ENOX1: variants seen among roughly 807,000 people sequenced by gnomAD.
ENOX1 encodes ecto-NOX disulfide-thiol exchanger 1.
ENOX1 carries 42 observed loss-of-function variants against 82.5 expected under a neutral mutation model. The observed-to-expected ratio is 0.51, with a 90% confidence interval of 0.40 to 0.66. The LOEUF is 0.66. Ranked by LOEUF, ENOX1 falls within the 30% of genes least tolerant of loss-of-function variation. The pLI, the probability that ENOX1 is intolerant of heterozygous loss-of-function variation, is 0.00. For synonymous variants in ENOX1, 271 were observed against 282.2 expected, an observed-to-expected ratio of 0.96 and a Z score of 0.40; for missense variants, 608 against 811.6, an observed-to-expected ratio of 0.75 and a Z score of 3.05.
rs58874702 is a variant in ENOX1 at position 43,673,175 on chromosome 13, G to GTATATATA, written c.-284-5639_-284-5632dup. Among the ~76,000 whole-genome samples, 460 of 148,928 alleles carry GTATATATA rather than the reference G, an allele frequency of 3.1e-3. 7 individuals carry two copies. In the East Asian group the frequency reaches 0.046, roughly 15 times the overall value. ...TTCCATAAAATTTGTTTGCATGTGTGTATATATATATATATATACATGTTC... is the reference window on the plus strand; with the variant it reads ...TTCCATAAAATTTGTTTGCATGTGTGTATATATATATATATATATATATATACATGTTC... On this transcript the variant is annotated intron_variant, in intron 1 of 16. Transcript: ENST00000690772.
chr13:43,749,140 G>A (rs1452274073), intron 1 of ENOX1, among the ~76,000 whole-genome samples: 1 of 152,146 alleles, frequency 6.6e-6, no homozygotes, highest in African/African-American at 2.4e-5. Context: ...ATAGTTTCAC[G>A]TCAAGTTACA....
At chr13:43,308,720 T>C (rs1261900523) in intron 11 of ENOX1, among the ~76,000 whole-genome samples, 1 of 152,190 alleles carries the variant, frequency 6.6e-6, no homozygotes, top group Non-Finnish European at 1.5e-5. Context: ...CCTGCGGCCA[T>C]TGGTATGTGT....
At chr13:43,486,274 C>G (rs1183587896) in intron 2 of ENOX1, among the ~76,000 whole-genome samples, 1 of 152,008 alleles carries the variant, frequency 6.6e-6, no homozygotes, top group East Asian at 1.9e-4. Flanking sequence ...ATCCTGGCTA[C>G]TCGGGAGGCT....
chr13:43,372,983 T>G (rs7332802), intron 5 of ENOX1, among the ~76,000 whole-genome samples: 4 of 151,816 alleles, frequency 2.6e-5, no homozygotes, highest in Admixed American at 2.6e-4. Context: ...CCTGACAGCA[T>G]TGTTCTGAGG....
intron 1 of ENOX1, among the ~76,000 whole-genome samples, chr13:43,772,980 C>T (rs777282198): frequency 1.4e-4 from 21 of 152,090 alleles, no homozygotes; most frequent in Admixed American, 4.6e-4. Flanking sequence ...GATTTTGTCC[C>T]CCTTACAGAT....
chr13:43,425,663 A>G (rs7318986), intron 3 of ENOX1, among the ~76,000 whole-genome samples: 147,454 of 152,294 alleles, frequency 0.97, 71,560 homozygotes, highest in East Asian at 1. Context: ...TAGAGGCATA[A>G]GGTCTACAAT....
chr13:43,397,044 T>C (rs1327719928), intron 5 of ENOX1, among the ~76,000 whole-genome samples: 1 of 152,162 alleles, frequency 6.6e-6, no homozygotes, highest in Non-Finnish European at 1.5e-5. Flanking sequence ...TTTCATGCCC[T>C]TCCCAGTCTT....
chr13:43,354,709 T>C (rs148375133), intron 8 of ENOX1, among the ~76,000 whole-genome samples: 43 of 152,324 alleles, frequency 2.8e-4, no homozygotes, highest in African/African-American at 8.9e-4. Context: ...GCAATAGCCT[T>C]CAGGGCTCTG....
At chr13:43,533,383 G>T (rs1165087116) in intron 2 of ENOX1, among the ~76,000 whole-genome samples, 1 of 152,022 alleles carries the variant, frequency 6.6e-6, no homozygotes, top group African/African-American at 2.4e-5. Context: ...AAAGAAGTTG[G>T]AATACAATTT....
chr13:43,298,777 C>T (rs1446945065), intron 11 of ENOX1, among the ~76,000 whole-genome samples: 1 of 152,192 alleles, frequency 6.6e-6, no homozygotes, highest in African/African-American at 2.4e-5. Flanking sequence ...ATTAATTCCT[C>T]CCAAATTCTC....
intron 5 of ENOX1, among the ~76,000 whole-genome samples, chr13:43,395,823 G>A (rs972437721): frequency 4.6e-5 from 7 of 152,180 alleles, no homozygotes; most frequent in South Asian, 2.1e-4. Context: ...CGTAGGCTGC[G>A]ATGGGCTCAG....
intron 1 of ENOX1, among the ~76,000 whole-genome samples, chr13:43,734,403 GAGA>G (rs1221977868): frequency 6.6e-6 from 1 of 152,118 alleles, no homozygotes; most frequent in Non-Finnish European, 1.5e-5. Flanking sequence ...TATCCTAATG[GAGA>G]AGACCTCCCA....
At chr13:43,411,165 T>C (rs1256031387) in intron 5 of ENOX1, among the ~76,000 whole-genome samples, 1 of 152,222 alleles carries the variant, frequency 6.6e-6, no homozygotes, top group Non-Finnish European at 1.5e-5. Context: ...ATCATTTTTA[T>C]CATTGTTTTT....
chr13:43,286,995 C>G (rs2153496572), intron 12 of ENOX1, among the ~76,000 whole-genome samples: 1 of 152,228 alleles, frequency 6.6e-6, no homozygotes, highest in African/African-American at 2.4e-5. Context: ...AGGGTACACT[C>G]TGGAAAGCCA....
intron 3 of ENOX1, among the ~76,000 whole-genome samples, chr13:43,416,542 G>A (rs4942229): frequency 0.5 from 70,734 of 140,436 alleles, 22,474 homozygotes; most frequent in Non-Finnish European, 0.72. Flanking sequence ...CAGACAGGGC[G>A]GCCAGGTAGC....
In ENOX1 at chr13:43,280,234, G is replaced by T. The variant is rs377111033; in HGVS notation, c.1447-10657C>A. Among the ~76,000 whole-genome samples the T allele has an allele frequency of 4.6e-4, 70 of 152,298 alleles. No individual in the cohort carries two copies. The East Asian group carries it at 0.01, about 22-fold the overall frequency. On this transcript the variant is annotated intron_variant, in intron 12 of 16. Coordinates refer to ENST00000690772, the MANE Select transcript of ENOX1 (RefSeq NM_001347969.2). ...ATGCCCTGAAGGCCTACAGAAATTT[G>T]TTCTTTCTTTACAGATTTTATAACC... is the stretch of plus-strand genomic sequence containing the variant.
At chr13:43,475,342 C>T (rs77678876) in intron 3 of ENOX1, among the ~76,000 whole-genome samples, 5,421 of 152,184 alleles carry the variant, frequency 0.036, 342 homozygotes, top group African/African-American at 0.13. Context: ...CAATAGGGAA[C>T]GTGTGCCAAC....
intron 11 of ENOX1, among the ~76,000 whole-genome samples, chr13:43,303,919 A>G (rs2046722754): frequency 6.6e-6 from 1 of 152,240 alleles, no homozygotes; most frequent in Admixed American, 6.5e-5. Flanking sequence ...GCCACTGCTC[A>G]GACCGCTGCT....
chr13:43,374,249 CTTT>C (rs532163452), intron 5 of ENOX1, among the ~76,000 whole-genome samples: 1 of 127,964 alleles, frequency 7.8e-6, no homozygotes, highest in Non-Finnish European at 1.7e-5. Flanking sequence ...CTTTTCTTTT[CTTT>C]TTTTTTTTTT....
Sources: allele counts gnomAD v4.1 joint callset (sites outside exome capture counted in the v4.1 genomes callset), GRCh38; gene constraint gnomAD v4.1.1; transcripts MANE v1.5; gene names NCBI Gene and HGNC (gene_info 2026-07-23, HGNC 2026-07-21).